Variants in CNTN6 observed in about 807,000 individuals in gnomAD.
CNTN6 encodes contactin-6.
CNTN6 carries 137 observed loss-of-function variants against 122.8 expected under a neutral mutation model. The observed-to-expected ratio is 1.12, with a 90% CI of 0.97 to 1.29. CNTN6 has a LOEUF of 1.29. CNTN6 is among the 50% of genes most tolerant of loss of function. The probability of loss-of-function intolerance (pLI) is 0.00; values close to 1 mark genes in which losing one functional copy is unlikely to be tolerated. For missense variants in CNTN6, 1,634 were observed against 1,223.4 expected, an observed-to-expected ratio of 1.34 and a Z score of -5.01; for synonymous variants, 570 against 426.0, an observed-to-expected ratio of 1.34 and a Z score of -4.16.
rs2092760401 is a variant in CNTN6, at chr3:1,148,055, C to T, written c.47C>T (p.Ser16Phe). 1 of 1,606,672 alleles carries T rather than the reference C, an allele frequency of 6.2e-7. No homozygotes were observed. The highest frequency in any genetic ancestry group is 8.5e-7 in the Non-Finnish European group (1 of 1,174,444). ...KLVILLPLINSSAGDGLLSRP... is the reference protein window; with the variant it reads ...KLVILLPLINFSAGDGLLSRP... ...GTAATTCTGCTGCCACTCATAAACT[C>T]TTCTGCAGGTAAAGTGTTCTATTAT... Residue 16 changes from serine (S) to phenylalanine (F), a missense_variant, in exon 2 of 23, where the codon TCT becomes TTT. Transcript: ENST00000446702.
chr3:1,135,163 C>G (rs2092439878), intron 1 of CNTN6, among the ~76,000 whole-genome samples: 1 of 152,032 alleles, frequency 6.6e-6, no homozygotes. Flanking sequence ...AAATAACATT[C>G]CCTGTTCCCA....
At chr3:1,381,999 A>G (rs925148762) in intron 17 of CNTN6, among the ~76,000 whole-genome samples, 1 of 151,620 alleles carries the variant, frequency 6.6e-6, no homozygotes, top group East Asian at 1.9e-4. Flanking sequence ...GAATAAATGG[A>G]CTCCCATGAA....
At chr3:1,190,905 C>G (rs1300806231) in intron 2 of CNTN6, among the ~76,000 whole-genome samples, 1 of 152,136 alleles carries the variant, frequency 6.6e-6, no homozygotes, top group Non-Finnish European at 1.5e-5. Context: ...AAAGTCATTT[C>G]TCACCACTTT....
chr3:1,193,083 T>A (rs1315984184), intron 2 of CNTN6, among the ~76,000 whole-genome samples: 1 of 152,206 alleles, frequency 6.6e-6, no homozygotes, highest in Non-Finnish European at 1.5e-5. Context: ...GAAGTTGCTG[T>A]GTTGGCTTAA....
intron 17 of CNTN6, among the ~76,000 whole-genome samples, chr3:1,379,293 TAAATC>T (rs1263944541): frequency 6.6e-6 from 1 of 152,184 alleles, no homozygotes; most frequent in African/African-American, 2.4e-5. Context: ...TTTTGATAAA[TAAATC>T]CACCCATAGC....
intron 4 of CNTN6, among the ~76,000 whole-genome samples, chr3:1,255,710 A>G (rs76772062): frequency 0.012 from 1,828 of 152,122 alleles, 27 homozygotes; most frequent in Middle Eastern, 0.034. Flanking sequence ...GTCTCACTCT[A>G]TTGCCCAGCT....
rs545809228 is a variant in CNTN6 at position 1,290,396 on chromosome 3, T to TA, written c.455-5204dup. 3.2e-3 allele frequency among the ~76,000 whole-genome samples: 484 copies of TA among 152,256 alleles called. 5 individuals are homozygous for TA. Among genetic ancestry groups the TA allele is most frequent in the African/African-American group, 0.011 (465 of 41,560 alleles). ...GTCTTAGAATGTGAGTAAGGTTGGT[T>TA]ACTTGTGGAGCTTGGGAGTTTTGAA... On this transcript the variant is annotated intron_variant, in intron 5 of 22. Transcript: ENST00000446702.
At chr3:1,380,845 A>G (rs1191947210) in intron 17 of CNTN6, among the ~76,000 whole-genome samples, 1 of 152,230 alleles carries the variant, frequency 6.6e-6, no homozygotes, top group Non-Finnish European at 1.5e-5. Context: ...ACTGTGGTTG[A>G]GAATTACATT....
intron 1 of CNTN6, among the ~76,000 whole-genome samples, chr3:1,102,993 C>G (rs1430108482): frequency 2.0e-5 from 3 of 151,138 alleles, no homozygotes; most frequent in Non-Finnish European, 4.4e-5. Context: ...GTGGTCCCAG[C>G]TACTCGGGAG....
chr3:1,211,971 T>C (rs752974947), intron 2 of CNTN6, among the ~76,000 whole-genome samples: 30 of 152,134 alleles, frequency 2.0e-4, no homozygotes, highest in Non-Finnish European at 3.8e-4. Context: ...TCATGGGCCA[T>C]TCAGAAATGC....
chr3:1,359,897 G>A (rs562068634), intron 12 of CNTN6, among the ~76,000 whole-genome samples: 25 of 151,900 alleles, frequency 1.6e-4, no homozygotes, highest in African/African-American at 5.1e-4. Context: ...TCTTTTGTTC[G>A]TTTGCTTAGT....
chr3:1,126,393 A>AT (rs772192520), intron 1 of CNTN6, among the ~76,000 whole-genome samples: 21 of 151,882 alleles, frequency 1.4e-4, no homozygotes, highest in Non-Finnish European at 2.7e-4. Flanking sequence ...GTGAGAGTCC[A>AT]TTTGGCTCAG....
chr3:1,137,627 G>T (rs186433613), intron 1 of CNTN6, among the ~76,000 whole-genome samples: 1 of 152,086 alleles, frequency 6.6e-6, no homozygotes, highest in Non-Finnish European at 1.5e-5. Context: ...AGCATCTCAT[G>T]GAAAAAAACA....
At chr3:1,384,679 TATATATATAC>T (rs1480629766) in intron 19 of CNTN6, among the ~76,000 whole-genome samples, 108 of 99,008 alleles carry the variant, frequency 1.1e-3, no homozygotes, top group South Asian at 2.9e-3. Flanking sequence ...TATATATATA[TATATATATAC>T]ACACACACAC....
chr3:1,381,645 C>T (rs1691910268), intron 17 of CNTN6, among the ~76,000 whole-genome samples: 1 of 152,166 alleles, frequency 6.6e-6, no homozygotes, highest in Non-Finnish European at 1.5e-5. Flanking sequence ...GCCTCAGTTC[C>T]TCCCATTTCC....
chr3:1,336,383 C>T (rs1575755933), intron 11 of CNTN6, among the ~76,000 whole-genome samples: 3 of 151,544 alleles, frequency 2.0e-5, no homozygotes, highest in South Asian at 4.2e-4. Flanking sequence ...TCATTTTTAC[C>T]CTAGTAATCT....
intron 4 of CNTN6, among the ~76,000 whole-genome samples, chr3:1,239,087 C>T (rs192245030): frequency 3.3e-5 from 5 of 152,162 alleles, no homozygotes; most frequent in African/African-American, 4.8e-5. Context: ...TAGATTAAAC[C>T]AGTAAGATAT....
intron 2 of CNTN6, among the ~76,000 whole-genome samples, chr3:1,194,398 A>G (rs968986061): frequency 1.3e-5 from 2 of 152,148 alleles, no homozygotes; most frequent in Non-Finnish European, 2.9e-5. Flanking sequence ...GCATTCTCAG[A>G]GTGGATCAGA....
intron 2 of CNTN6, among the ~76,000 whole-genome samples, chr3:1,216,738 C>T (rs2094135885): frequency 6.6e-6 from 1 of 152,086 alleles, no homozygotes; most frequent in African/African-American, 2.4e-5. Context: ...AGGAAAGGTG[C>T]CTAAATTACA....
Sources: allele counts gnomAD v4.1 joint callset (sites outside exome capture counted in the v4.1 genomes callset), GRCh38; gene constraint gnomAD v4.1.1; transcripts MANE v1.5; gene names NCBI Gene and HGNC (gene_info 2026-07-23, HGNC 2026-07-21).